The following CNTN5 variants were observed in gnomAD, a reference collection of about 807,000 sequenced individuals.
CNTN5 encodes the protein contactin-5.
Under a neutral mutation model 129.1 loss-of-function variants are expected in CNTN5, and 77 were observed. That is an observed-to-expected ratio of 0.60 (90% CI 0.50 to 0.72). The LOEUF is 0.72. Ranked by LOEUF, CNTN5 falls within the 30% of genes least tolerant of loss-of-function variation. The pLI is 0.00. For synonymous variants in CNTN5, 509 were observed against 465.6 expected (o/e 1.09, Z -1.20); for missense variants, 1,478 against 1,328.8 (o/e 1.11, Z -1.75).
intron 3 of CNTN5, among the ~76,000 whole-genome samples, chr11:99,771,929 A>G (rs1484532016): frequency 1.3e-5 from 2 of 151,890 alleles, no homozygotes; most frequent in East Asian, 1.9e-4. Flanking sequence ...CAAATTTTAT[A>G]CAAGTATGCT....
At chr11:99,784,120 C>A (rs1366798404) in intron 3 of CNTN5, among the ~76,000 whole-genome samples, 3 of 152,062 alleles carry the variant, frequency 2.0e-5, no homozygotes, top group Non-Finnish European at 4.4e-5. Context: ...CCCTGAAAGT[C>A]ATCAGTCAAC....
At chr11:100,048,340 A>G (rs1255155605) in intron 9 of CNTN5, among the ~76,000 whole-genome samples, 1 of 152,128 alleles carries the variant, frequency 6.6e-6, no homozygotes, top group Non-Finnish European at 1.5e-5. Flanking sequence ...AGACTGGATT[A>G]CATCAAAAGC....
chr11:99,305,215 C>G (rs1331947824), intron 1 of CNTN5, among the ~76,000 whole-genome samples: 2 of 152,150 alleles, frequency 1.3e-5, no homozygotes, highest in Non-Finnish European at 2.9e-5. Flanking sequence ...GGCTTTGTCT[C>G]TCTGAATGAA....
Position 100,341,116 on chromosome 11 carries a change from C to G in CNTN5, c.2941C>G (p.Leu981Val). The G allele has an allele frequency of 6.2e-7, 1 of 1,613,702 alleles. No individual in the cohort carries two copies. Among genetic ancestry groups the G allele is most frequent in the Non-Finnish European group, 8.5e-7 (1 of 1,179,648 alleles). Residue 981 changes from leucine (L) to valine (V), a missense_variant, in exon 23 of 25, where the codon CTC (leucine) becomes GTC (valine). Leu to Val is a conservative substitution (Grantham distance 32). Coordinates refer to ENST00000524871, the MANE Select transcript of CNTN5 (RefSeq NM_014361.4). The part of the protein sequence containing the change: ...KSPPSQAPSN[L>V]RWEQQGSQVS... Reference sequence around the variant, plus strand: ...AGCTCCTAGTCAAGCACCTAGCAACCTCAGGTGGGAGCAGCAAGGCTCTCA... The same window carrying G: ...AGCTCCTAGTCAAGCACCTAGCAACGTCAGGTGGGAGCAGCAAGGCTCTCA...
chr11:99,788,390 C>T (rs1407497736), intron 3 of CNTN5, among the ~76,000 whole-genome samples: 1 of 151,888 alleles, frequency 6.6e-6, no homozygotes, highest in African/African-American at 2.4e-5. Flanking sequence ...TAGAGGTGAA[C>T]ACGCTCAAAG....
chr11:99,989,403 TA>T (rs1220441899), intron 8 of CNTN5, among the ~76,000 whole-genome samples: 1 of 152,170 alleles, frequency 6.6e-6, no homozygotes. Flanking sequence ...TTTGTCATTC[TA>T]AACCATATTC....
At chr11:99,230,625 T>A (rs1359527481) in intron 1 of CNTN5, among the ~76,000 whole-genome samples, 2 of 152,190 alleles carry the variant, frequency 1.3e-5, no homozygotes, top group Non-Finnish European at 2.9e-5. Context: ...AGCCTATCAG[T>A]GTGTAAACAT....
chr11:100,064,853 G>A (rs1165951424), intron 10 of CNTN5, among the ~76,000 whole-genome samples: 1 of 152,066 alleles, frequency 6.6e-6, no homozygotes, highest in Non-Finnish European at 1.5e-5. Flanking sequence ...GGTAACTGAA[G>A]GGGGAAAGAT....
rs1394758793 is a variant in CNTN5, at chr11:99,432,300, T to C, written c.-71+106816T>C. Among the ~76,000 whole-genome samples, 4 of 152,136 alleles carry C rather than the reference T, an allele frequency of 2.6e-5. No individual in the cohort carries two copies. The South Asian group carries it at 8.3e-4, about 32-fold the overall frequency. On this transcript the variant is annotated intron_variant, in intron 2 of 24. Transcript: ENST00000524871. ...AAATTTGGAGGAGACAATTAAGAGATATAAATTGAGGTTATAGGATTTGGG... is the reference window on the plus strand; with the variant it reads ...AAATTTGGAGGAGACAATTAAGAGACATAAATTGAGGTTATAGGATTTGGG...
At chr11:99,838,679 T>C (rs1947380773) in intron 4 of CNTN5, among the ~76,000 whole-genome samples, 1 of 152,182 alleles carries the variant, frequency 6.6e-6, no homozygotes, top group African/African-American at 2.4e-5. Flanking sequence ...TATGTGATTG[T>C]TGTTAGGCCT....
intron 2 of CNTN5, among the ~76,000 whole-genome samples, chr11:99,524,511 A>G (rs1947410920): frequency 6.6e-6 from 1 of 152,138 alleles, no homozygotes; most frequent in South Asian, 2.1e-4. Flanking sequence ...TGTGTCAATG[A>G]AATATATTTA....
chr11:99,440,405 T>C (rs1365979662), intron 2 of CNTN5, among the ~76,000 whole-genome samples: 2 of 139,630 alleles, frequency 1.4e-5, no homozygotes, highest in Admixed American at 7.0e-5. Context: ...CCTCCTATAA[T>C]TTAAAAAATT....
intron 9 of CNTN5, among the ~76,000 whole-genome samples, chr11:100,036,596 A>G (rs1942026523): frequency 6.7e-6 from 1 of 148,642 alleles, no homozygotes; most frequent in Admixed American, 6.8e-5. Flanking sequence ...CTTCCTACCC[A>G]TGAGCAAGGA....
intron 3 of CNTN5, among the ~76,000 whole-genome samples, chr11:99,608,031 C>T (rs1173298663): frequency 2.1e-5 from 3 of 142,822 alleles, no homozygotes; most frequent in African/African-American, 7.9e-5. Flanking sequence ...AGCGCACCAG[C>T]ATGGCACATG....
intron 3 of CNTN5, among the ~76,000 whole-genome samples, chr11:99,680,195 T>C (rs1177213816): frequency 1.3e-5 from 2 of 152,282 alleles, no homozygotes; most frequent in Non-Finnish European, 1.5e-5. Context: ...TGGACAAAAC[T>C]ATCTGAAAAA....
chr11:99,115,623 G>A (rs1279377470), intron 1 of CNTN5, among the ~76,000 whole-genome samples: 1 of 152,062 alleles, frequency 6.6e-6, no homozygotes, highest in African/African-American at 2.4e-5. Context: ...AGCTGGGTGT[G>A]GTGGCAGGTG....
chr11:100,159,357 A>G (rs1947362753), intron 13 of CNTN5, among the ~76,000 whole-genome samples: 1 of 151,864 alleles, frequency 6.6e-6, no homozygotes, highest in African/African-American at 2.4e-5. Context: ...CTTGGATATA[A>G]TGTTAAATTT....
intron 2 of CNTN5, among the ~76,000 whole-genome samples, chr11:99,434,280 A>C (rs1943515660): frequency 6.6e-6 from 1 of 152,176 alleles, no homozygotes; most frequent in Admixed American, 6.6e-5. Flanking sequence ...AAAAAACAGT[A>C]GATAATATAC....
At chr11:99,960,931 C>T (rs1049834588) in intron 8 of CNTN5, among the ~76,000 whole-genome samples, 1 of 151,946 alleles carries the variant, frequency 6.6e-6, no homozygotes, top group African/African-American at 2.4e-5. Flanking sequence ...GGCCAGGCAC[C>T]GTGGCTCATG....
Sources: gnomAD v4.1 joint callset for allele counts (sites outside exome capture counted in the v4.1 genomes callset) on GRCh38, gnomAD v4.1.1 for gene constraint, MANE v1.5 for transcripts, NCBI Gene and HGNC (gene_info 2026-07-23, HGNC 2026-07-21) for gene names.